Variants in RAX observed in about 807,000 individuals in gnomAD.
RAX encodes retinal homeobox protein Rx.
Under a neutral mutation model 17.4 loss-of-function variants are expected in RAX, and 11 were observed. The observed-to-expected ratio is 0.63, with a 90% confidence interval of 0.40 to 1.05. The LOEUF (loss-of-function observed/expected upper bound fraction) is 1.05. Among genes scored for constraint, RAX ranks in the 50% least tolerant of loss-of-function variants. The pLI, the probability that RAX is intolerant of heterozygous loss-of-function variation, is 0.00. For synonymous variants in RAX, 276 were observed against 254.7 expected, an observed-to-expected ratio of 1.08 and a Z score of -0.80; for missense variants, 527 against 501.1, an observed-to-expected ratio of 1.05 and a Z score of -0.49.
Position 59,269,317 on chromosome 18 carries a change from G to C in RAX, c.728C>G (p.Ser243Cys). 7.7e-7 allele frequency: 1 copy of C among 1,299,118 alleles called. No individual in the cohort carries two copies. Among genetic ancestry groups the C allele is most frequent in the Non-Finnish European group, 9.7e-7 (1 of 1,029,736 alleles). The allele number at this position is 1,299,118 out of a possible 1,614,324, so 80.5% of individuals were successfully genotyped here. A position where few individuals can be genotyped will look rare whatever the true frequency, so the allele number is the denominator to read the frequency against. Residue 243 changes from serine to cysteine, a missense_variant, in exon 3 of 3, where the codon TCC becomes TGC. Ser to Cys is a moderately radical substitution (Grantham distance 112). Transcript: ENST00000334889. ...GCCCGGCAGCGGCGGCCCGAGCCAG[G>C]ACTCCAGCGGCAGCGCGCCCCCAGC... Reference protein sequence around the residue: ...GPAGGALPLESWLGPPLPGGG... With the variant: ...GPAGGALPLECWLGPPLPGGG...
chr18:59,270,419 T>C (rs1410497564), intron 2 of RAX, among the ~76,000 whole-genome samples: 2 of 152,238 alleles, frequency 1.3e-5, no homozygotes, highest in Non-Finnish European at 2.9e-5. Flanking sequence ...TACGAAGTCC[T>C]TGCCAAGAGT....
Position 59,273,354 on chromosome 18 carries a change from G to C in RAX, c.-148C>G. ...AGCCCGCCCGGGCTGCGCACGCTGG[G>C]GGTGGCCGAGCGCTCAGCCCGCTGC... On this transcript the variant is annotated 5_prime_UTR_variant, in exon 1 of 3. Coordinates refer to ENST00000334889, the MANE Select transcript of RAX (RefSeq NM_013435.3). The C allele has an allele frequency of 3.5e-6, 3 of 859,410 alleles. No individual in the cohort carries two copies. Among genetic ancestry groups the C allele is most frequent in the Non-Finnish European group, 5.1e-6 (3 of 593,510 alleles). 53.2% of individuals were successfully genotyped at this position (859,410 alleles called of 1,614,324 possible).
intron 2 of RAX, among the ~76,000 whole-genome samples, chr18:59,269,737 T>TC (rs2070320967): frequency 1.3e-5 from 1 of 76,386 alleles, no homozygotes. Context: ...TCTCTCTCTC[T>TC]CTTTTTTTTT....
Position 59,268,577 on chromosome 18 carries a change from A to G in RAX, c.*427T>C. On this transcript the variant is annotated 3_prime_UTR_variant, in exon 3 of 3. Coordinates refer to ENST00000334889, the MANE Select transcript of RAX (RefSeq NM_013435.3). The surrounding 1 kb of genome is among the most constrained non-coding windows in gnomAD (Gnocchi z 4.4). The stretch of plus-strand genomic sequence containing the variant: ...TCTCAAATAGTTTGAAACTACTTAT[A>G]CAAAAGTTTCTCAAACTCTATTTTT... 4.0e-6 allele frequency: 1 copy of G among 247,394 alleles called. No homozygotes were observed. Among genetic ancestry groups the G allele is most frequent in the Non-Finnish European group, 7.8e-6 (1 of 128,720 alleles). 15.3% of individuals were successfully genotyped at this position (247,394 alleles called of 1,614,324 possible). A position where few individuals can be genotyped will look rare whatever the true frequency, so the allele number is the denominator to read the frequency against.
At position 59,273,114 on chromosome 18, in the gene RAX, T is replaced by A; in HGVS notation, c.93A>T (p.Arg31=). The part of the protein sequence containing the change: ...LLRSPGGSTS[R]LHSIEAILGF... ...CCAGGATGGCCTCGATGCTGTGAAG[T>A]CGCGAGGTGCTCCCGCCCGGGCTGC... The change falls in exon 1 of 3, where the codon CGA becomes CGT. Residue 31 remains arginine (R), a synonymous_variant. Coordinates refer to ENST00000334889, the MANE Select transcript of RAX (RefSeq NM_013435.3). 1 of 1,535,022 alleles carries A rather than the reference T, an allele frequency of 6.5e-7. No homozygotes were observed. The highest frequency in any genetic ancestry group is 8.7e-7 in the Non-Finnish European group (1 of 1,146,340).
Position 59,272,367 on chromosome 18 carries a change from C to A in RAX, c.537G>T (p.Arg179=), listed in dbSNP as rs776617912. 2 of 1,614,242 alleles carry A rather than the reference C, an allele frequency of 1.2e-6. No homozygotes were observed. The highest frequency in any genetic ancestry group is 2.2e-5 in the South Asian group (2 of 91,084). Residue 179 remains arginine (R), a synonymous_variant, in exon 2 of 3, where the codon CGG becomes CGT. Coordinates refer to ENST00000334889, the MANE Select transcript of RAX (RefSeq NM_013435.3). ...LAGKVNLPEV[R]VQVWFQNRRA... ...CTCAACCTGGGCGCTTTACCTGGAC[C>A]CGGACCTCTGGTAGGTTGACCTTGC...
In RAX at chr18:59,272,341, C is replaced by A. The variant is rs1313890651; in HGVS notation, c.543+20G>T. The A allele has an allele frequency of 1.9e-6, 3 of 1,614,084 alleles. No homozygotes were observed. The highest frequency in any genetic ancestry group is 2.5e-6 in the Non-Finnish European group (3 of 1,180,056). On this transcript the variant is annotated intron_variant, in intron 2 of 2. Coordinates refer to ENST00000334889, the MANE Select transcript of RAX (RefSeq NM_013435.3). ...CCTCGGGCCCTCCCAGATCCCAGTTCCTCAACCTGGGCGCTTTACCTGGAC... is the reference window on the plus strand; with the variant it reads ...CCTCGGGCCCTCCCAGATCCCAGTTACTCAACCTGGGCGCTTTACCTGGAC...
At chr18:59,272,338 GT>G in intron 2 of RAX, 22 bp downstream of exon 2, 1 of 1,614,216 alleles carries the variant, frequency 6.2e-7, no homozygotes, top group South Asian at 1.1e-5. Context: ...CCAGATCCCA[GT>G]TCCTCAACCT....
Position 59,267,514 on chromosome 18 carries a change from G to A in RAX, c.*1490C>T, listed in dbSNP as rs906699522. On this transcript the variant is annotated 3_prime_UTR_variant, in exon 3 of 3. Transcript: ENST00000334889. The stretch of plus-strand genomic sequence containing the variant: ...AGAGTTTATTTAGACGAGGAAAGGG[G>A]ACTGGGAGCTTCACTAATTTGCTCA... The A allele has an allele frequency of 6.6e-6, 1 of 152,186 alleles. No individual in the cohort carries two copies. Among genetic ancestry groups the A allele is most frequent in the Non-Finnish European group, 1.5e-5 (1 of 68,054 alleles). 9.4% of individuals were successfully genotyped at this position (152,186 alleles called of 1,614,324 possible).
Position 59,269,205 on chromosome 18 carries a change from A to C in RAX, c.840T>G (p.Pro280=), listed in dbSNP as rs900670398. ...ACGGCGGGGAGTTCAGGAAGGGCGG[A>C]GGCGGCGGCGGTGGCGTGTAGCTGG... is the stretch of plus-strand genomic sequence containing the variant. The part of the protein sequence containing the change: ...LPASYTPPPP[P]PPFLNSPPLG... The change falls in exon 3 of 3, where the codon CCT becomes CCG. Residue 280 remains proline (P), a synonymous_variant. Transcript: ENST00000334889. The C allele has an allele frequency of 4.6e-6, 7 of 1,535,368 alleles. No individual in the cohort carries two copies. Among genetic ancestry groups the C allele is most frequent in the African/African-American group, 2.8e-5 (2 of 71,762 alleles).
In RAX at chr18:59,272,498, GCT is replaced by G; in HGVS notation, c.404_405del (p.Lys135ThrfsTer15). On this transcript the variant is annotated frameshift_variant, in exon 2 of 3. Coordinates refer to ENST00000334889, the MANE Select transcript of RAX (RefSeq NM_013435.3). LOFTEE classifies it high-confidence loss of function. The stretch of plus-strand genomic sequence containing the variant: ...GTGAAAGTCGTGCGGTTCCGCCGAT[GCT>G]TTTTCTTGGGCTGTTCCTCCTCTGA... ...KLSEEEQPKKKHRRNRTTFTT... is the reference protein window; with the variant it reads ...KLSEEEQPKKXHRRNRTTFTT... The G allele has an allele frequency of 3.7e-6, 6 of 1,614,244 alleles. No homozygotes were observed. The highest frequency in any genetic ancestry group is 5.1e-6 in the Non-Finnish European group (6 of 1,180,040).
rs117792670 is a variant in RAX at position 59,267,198 on chromosome 18, C to T, written c.*1806G>A. ...CAGTACATTTTTACTGATCAGCCTA[C>T]TGTGTGCAAGGCACCATCTGGAGGT... On this transcript the variant is annotated 3_prime_UTR_variant, in exon 3 of 3. Transcript: ENST00000334889. 4 of 152,320 alleles carry T rather than the reference C, an allele frequency of 2.6e-5. No homozygotes were observed. In the East Asian group the frequency reaches 7.7e-4, roughly 29 times the overall value. 9.4% of individuals were successfully genotyped at this position (152,320 alleles called of 1,614,324 possible). A position where few individuals can be genotyped will look rare whatever the true frequency, so the allele number is the denominator to read the frequency against.
Position 59,272,904 on chromosome 18 carries a change from G to A in RAX, c.289+14C>T. On this transcript the variant is annotated intron_variant, in intron 1 of 2. Transcript: ENST00000334889. ...CGCCCGAACGGCCTCGCACAGCCAG[G>A]GGTGCGCACTCACCTTCGTACTCGG... 1 of 1,489,200 alleles carries A rather than the reference G, an allele frequency of 6.7e-7. No homozygotes were observed. Among genetic ancestry groups the A allele is most frequent in the Non-Finnish European group, 8.8e-7 (1 of 1,136,906 alleles). 92.2% of individuals were successfully genotyped at this position (1,489,200 alleles called of 1,614,324 possible).
chr18:59,268,924 G>T lies in RAX; in HGVS notation c.*80C>A, dbSNP rs576114179. 6.2e-7 allele frequency: 1 copy of T among 1,604,522 alleles called. No individual in the cohort carries two copies. Among genetic ancestry groups the T allele is most frequent in the East Asian group, 2.2e-5 (1 of 44,756 alleles). On this transcript the variant is annotated 3_prime_UTR_variant, in exon 3 of 3. Transcript: ENST00000334889. This position sits in a 1 kb window ranked among gnomAD's most constrained non-coding sequence, Gnocchi z 4.4. ...AGGGAAAGAGGGGCCGAGCTGGGGA[G>T]GGGGGTTGTCCCTGGGAGAGAGGAT... is the stretch of plus-strand genomic sequence containing the variant.
chr18:59,267,346 T>G lies in RAX; in HGVS notation c.*1658A>C, dbSNP rs1327198709. The stretch of plus-strand genomic sequence containing the variant: ...TGGTCATCCTTTTCCCAAGTCGGTT[T>G]CAGGAACCGGAGAACAGCCAGGGAA... On this transcript the variant is annotated 3_prime_UTR_variant, in exon 3 of 3. Transcript: ENST00000334889. 6.6e-6 allele frequency: 1 copy of G among 152,238 alleles called. No homozygotes were observed. The highest frequency in any genetic ancestry group is 2.4e-5 in the African/African-American group (1 of 41,450). 9.4% of individuals were successfully genotyped at this position (152,238 alleles called of 1,614,324 possible).
Position 59,272,379 on chromosome 18 carries a change from T to TA in RAX, c.524dup (p.Pro176ThrfsTer15). 1.2e-6 allele frequency: 2 copies of TA among 1,614,204 alleles called. No individual in the cohort carries two copies. Among genetic ancestry groups the TA allele is most frequent in the Non-Finnish European group, 1.7e-6 (2 of 1,180,036 alleles). On this transcript the variant is annotated frameshift_variant, in exon 2 of 3. Coordinates refer to ENST00000334889, the MANE Select transcript of RAX (RefSeq NM_013435.3). LOFTEE classifies it low-confidence loss of function (END_TRUNC). ...GCTTTACCTGGACCCGGACCTCTGG[T>TA]AGGTTGACCTTGCCGGCCAGCTCCT... is the stretch of plus-strand genomic sequence containing the variant.
At position 59,272,402 on chromosome 18, in the gene RAX, C is replaced by T. The variant is rs766559837; in HGVS notation, c.502G>A (p.Glu168Lys). 8 of 1,614,272 alleles carry T rather than the reference C, an allele frequency of 5.0e-6. No homozygotes were observed. The Admixed American group carries it at 1.3e-4, about 27-fold the overall frequency. The change falls in exon 2 of 3, where the codon GAG becomes AAG. Residue 168 changes from glutamate to lysine, a missense_variant. Transcript: ENST00000334889. Reference protein sequence around the residue: ...SHYPDVYSREELAGKVNLPEV... With the variant: ...SHYPDVYSREKLAGKVNLPEV... ...GGTAGGTTGACCTTGCCGGCCAGCT[C>T]CTCGCGGCTGTACACGTCCGGGTAG... is the stretch of plus-strand genomic sequence containing the variant.
chr18:59,273,243 G>A lies in RAX; in HGVS notation c.-37C>T, dbSNP rs1002747109. 12 of 1,511,168 alleles carry A rather than the reference G, an allele frequency of 7.9e-6. No individual in the cohort carries two copies. The highest frequency in any genetic ancestry group is 1.4e-5 in the African/African-American group (1 of 71,264). The allele number at this position is 1,511,168 out of a possible 1,614,324, so 93.6% of individuals were successfully genotyped here. A position where few individuals can be genotyped will look rare whatever the true frequency, so the allele number is the denominator to read the frequency against. ...GGAGGCGGGAGGGCGCTTTGGAGAC[G>A]GAGAGGAGAGGCTCGAAGCCGGGTC... is the stretch of plus-strand genomic sequence containing the variant. On this transcript the variant is annotated 5_prime_UTR_variant, in exon 1 of 3. Transcript: ENST00000334889.
chr18:59,269,172 G>T lies in RAX; in HGVS notation c.873C>A (p.Pro291=), dbSNP rs375109612. 4.5e-5 allele frequency: 71 copies of T among 1,561,746 alleles called. No homozygotes were observed. Among genetic ancestry groups the T allele is most frequent in the Non-Finnish European group, 6.1e-5 (70 of 1,152,384 alleles). The change falls in exon 3 of 3, where the codon CCC becomes CCA. Residue 291 remains proline, a synonymous_variant. Coordinates refer to ENST00000334889, the MANE Select transcript of RAX (RefSeq NM_013435.3). ...PPFLNSPPLG[P]GLQPLAPPPP... is the part of the protein sequence containing the mutation. ...GCGGCGGCGCGAGAGGTTGCAGGCC[G>T]GGGCCCAACGGCGGGGAGTTCAGGA... is the stretch of plus-strand genomic sequence containing the variant.
Sources: gnomAD v4.1 joint callset for allele counts (sites outside exome capture counted in the v4.1 genomes callset) on GRCh38, gnomAD v4.1.1 for gene constraint, Gnocchi (gnomAD v3.1) non-coding constraint, MANE v1.5 for transcripts, NCBI Gene and HGNC (gene_info 2026-07-23, HGNC 2026-07-21) for gene names.